Variants in TTC19 observed in about 807,000 individuals in gnomAD.
TTC19 encodes the protein tetratricopeptide repeat domain 19.
A neutral mutation model predicts 49.5 loss-of-function variants in TTC19; 38 were observed. The ratio of observed to expected loss-of-function variants is 0.77; its 90% CI spans 0.59 to 1.01. TTC19 has a LOEUF of 1.01. Ranked by LOEUF, TTC19 falls within the 50% of genes least tolerant of loss-of-function variation. The pLI is 0.00. For synonymous variants in TTC19, 204 were observed against 185.2 expected, an observed-to-expected ratio of 1.10 and a Z score of -0.83; for missense variants, 475 against 477.7, an observed-to-expected ratio of 0.99 and a Z score of 0.05.
Position 16,027,604 on chromosome 17 carries a change from G to A in TTC19, c.*82G>A. On this transcript the variant is annotated 3_prime_UTR_variant, in exon 10 of 10. Coordinates refer to ENST00000261647, the MANE Select transcript of TTC19 (RefSeq NM_017775.4). Reference sequence around the variant, plus strand: ...CCTGTCTCTGTGGCACCCGATCAATGGCTTAAATCTGTCGTTTTTGATATT... The same window carrying A: ...CCTGTCTCTGTGGCACCCGATCAATAGCTTAAATCTGTCGTTTTTGATATT... 1.3e-6 allele frequency: 2 copies of A among 1,523,572 alleles called. No homozygotes were observed. The highest frequency in any genetic ancestry group is 1.8e-6 in the Non-Finnish European group (2 of 1,104,784). The allele number at this position is 1,523,572 out of a possible 1,614,324, so 94.4% of individuals were successfully genotyped here. A position where few individuals can be genotyped will look rare whatever the true frequency, so the allele number is the denominator to read the frequency against.
intron 2 of TTC19, among the ~76,000 whole-genome samples, chr17:16,043,400 T>C (rs1190250224): frequency 6.6e-6 from 1 of 152,054 alleles, no homozygotes; most frequent in East Asian, 1.9e-4. Flanking sequence ...AAATAGTTCT[T>C]GCAATAAAAA....
At chr17:16,041,422 T>TTTTTTTTTG (rs71150270) in intron 2 of TTC19, 1 of 147,928 alleles carries the variant, frequency 6.8e-6, no homozygotes. Context: ...TTTTTTTTTT[T>TTTTTTTTTG]CCTTTGAGAT....
At chr17:16,032,278 C>CCCCT (rs768055311), downstream of TTC19, 1 of 1,590,174 alleles carries the variant, frequency 6.3e-7, no homozygotes, top group Non-Finnish European at 8.5e-7. Flanking sequence ...GCACCCTGTT[C>CCCCT]CCCTCACTTT....
chr17:16,040,543 T>C (rs1407151481), intron 2 of TTC19: 4 of 1,507,660 alleles, frequency 2.7e-6, no homozygotes, highest in African/African-American at 1.4e-5. Flanking sequence ...TAATCATATA[T>C]ACCAAACTAA....
chr17:16,036,248 T>C (rs1301609587), intron 2 of TTC19, among the ~76,000 whole-genome samples: 2 of 152,214 alleles, frequency 1.3e-5, no homozygotes, highest in Non-Finnish European at 1.5e-5. Context: ...ATGAGCAGTA[T>C]TGAAAATTAT....
intron 2 of TTC19, 145 bp from the exon 3 acceptor site, chr17:16,001,770 G>A (rs753233725): frequency 4.4e-6 from 3 of 680,606 alleles, no homozygotes; most frequent in Non-Finnish European, 7.9e-6. Context: ...ACAATGCTTT[G>A]TACATAGTAG....
chr17:16,021,797 A>G (rs1233731080), intron 7 of TTC19, among the ~76,000 whole-genome samples: 1 of 152,178 alleles, frequency 6.6e-6, no homozygotes, highest in Non-Finnish European at 1.5e-5. Context: ...ATTCTCATTT[A>G]TGATGAATTG....
At chr17:16,024,122 C>T (rs1453436733) in intron 7 of TTC19, 1 of 152,144 alleles carries the variant, frequency 6.6e-6, no homozygotes, top group East Asian at 1.9e-4. Flanking sequence ...GGTTACCGTT[C>T]TCTAGATCTG....
Position 16,042,614 on chromosome 17 carries a change from TG to T in TTC19, c.248-1888del, listed in dbSNP as rs1449663709. On this transcript the variant is annotated intron_variant, in intron 2 of 2. Transcript: ENST00000470649. Reference sequence around the variant, plus strand: ...TACTGTTGAGCAAGAATGTGGTAACTGCTCAGAAATTAGCAGAATGGAAGGT... The same window carrying T: ...TACTGTTGAGCAAGAATGTGGTAACTCTCAGAAATTAGCAGAATGGAAGGT... 5.3e-5 allele frequency among the ~76,000 whole-genome samples: 8 copies of T among 152,352 alleles called. No homozygotes were observed. The East Asian group carries it at 1.3e-3, about 26-fold the overall frequency.
rs1353842834 is a variant in TTC19, at chr17:16,006,503, T to G, written c.611T>G (p.Phe204Cys). 7 of 1,613,478 alleles carry G rather than the reference T, an allele frequency of 4.3e-6. No individual in the cohort carries two copies. Among genetic ancestry groups the G allele is most frequent in the African/African-American group, 1.3e-5 (1 of 74,908 alleles). ...RQEFAVAGYEFCISTLEEKIE... is the reference protein window; with the variant it reads ...RQEFAVAGYECCISTLEEKIE... ...GAATTTGCTGTTGCTGGCTATGAATTCTGCATTTCAACTCTAGAGGAAAAA... is the reference window on the plus strand; with the variant it reads ...GAATTTGCTGTTGCTGGCTATGAATGCTGCATTTCAACTCTAGAGGAAAAA... Residue 204 changes from phenylalanine (F) to cysteine (C), a missense_variant, in exon 7 of 10, where the codon TTC (phenylalanine) becomes TGC (cysteine). Phe to Cys is a radical substitution (Grantham distance 205, BLOSUM62 -2). Transcript: ENST00000261647.
At position 16,028,503 on chromosome 17, in the gene TTC19, T is replaced by C. The variant is rs1971666315; in HGVS notation, c.*981T>C. ...TTAGCTGTGGGGGAAGGTATTTGGT[T>C]AGATGACTTTGAATGAATAGACTGC... is the stretch of plus-strand genomic sequence containing the variant. On this transcript the variant is annotated 3_prime_UTR_variant, in exon 10 of 10. Coordinates refer to ENST00000261647, the MANE Select transcript of TTC19 (RefSeq NM_017775.4). 4.4e-6 allele frequency: 2 copies of C among 454,056 alleles called. No individual in the cohort carries two copies. The highest frequency in any genetic ancestry group is 4.0e-5 in the African/African-American group (2 of 50,114). The allele number at this position is 454,056 out of a possible 1,614,324, so 28.1% of individuals were successfully genotyped here.
At chr17:16,034,698 G>C (rs1567617394) in intron 2 of TTC19, 1 of 1,375,754 alleles carries the variant, frequency 7.3e-7, no homozygotes, top group African/African-American at 1.5e-5. Context: ...GAATTTTGAA[G>C]AACTAATAAC....
intron 2 of TTC19, among the ~76,000 whole-genome samples, chr17:16,042,586 A>G (rs888157836): frequency 2.6e-5 from 4 of 152,160 alleles, no homozygotes; most frequent in Non-Finnish European, 4.4e-5. Context: ...GGTGACTGGT[A>G]CCTACTGTTG....
intron 7 of TTC19, among the ~76,000 whole-genome samples, chr17:16,015,559 T>A (rs1971191237): frequency 6.6e-6 from 1 of 152,144 alleles, no homozygotes; most frequent in Non-Finnish European, 1.5e-5. Context: ...TCCTTGAAAG[T>A]TTTTATTTTC....
chr17:16,032,420 G>A (rs925262647), downstream of TTC19: 13 of 1,613,866 alleles, frequency 8.1e-6, no homozygotes, highest in Middle Eastern at 1.6e-4. Flanking sequence ...ACATGCAATC[G>A]GTGTTGGTGG....
At chr17:16,030,131 C>CTT, downstream of TTC19, 1 of 186,604 alleles carries the variant, frequency 5.4e-6, no homozygotes. Flanking sequence ...ATACTGTATT[C>CTT]TTACAATAAA....
chr17:16,044,168 C>CAAAAAAAAA (rs34691717), intron 2 of TTC19, among the ~76,000 whole-genome samples: 27 of 82,624 alleles, frequency 3.3e-4, no homozygotes, highest in Non-Finnish European at 5.1e-4. Flanking sequence ...GACTCCATCT[C>CAAAAAAAAA]AAAAAAAAAA....
intron 6 of TTC19, 150 bp downstream of exon 6, chr17:16,004,412 G>A: frequency 1.2e-6 from 1 of 813,392 alleles, no homozygotes; most frequent in South Asian, 1.4e-5. Context: ...GAAATTGTCA[G>A]TCTTTTTCCA....
At chr17:16,032,172 G>T (rs2151750001), downstream of TTC19, 3 of 928,148 alleles carry the variant, frequency 3.2e-6, no homozygotes, top group African/African-American at 3.5e-5. Context: ...TCTGTGGGCT[G>T]GCTCTCCTGA....
Sources: gnomAD v4.1 joint callset for allele counts (sites outside exome capture counted in the v4.1 genomes callset) on GRCh38, gnomAD v4.1.1 for gene constraint, MANE v1.5 for transcripts, NCBI Gene and HGNC (gene_info 2026-07-23, HGNC 2026-07-21) for gene names.